The following PLEKHG5 variants were observed in gnomAD, a reference collection of about 807,000 sequenced individuals.
The protein encoded by PLEKHG5 is pleckstrin homology domain-containing family G member 5.
PLEKHG5 carries 52 observed loss-of-function variants against 103.8 expected under a neutral mutation model. The observed-to-expected ratio is 0.50, with a 90% CI of 0.40 to 0.63. PLEKHG5 has a LOEUF of 0.63. PLEKHG5 is among the 30% of genes least tolerant of loss of function. The pLI, the probability that PLEKHG5 is intolerant of heterozygous loss-of-function variation, is 0.00. For missense variants in PLEKHG5, 1,205 were observed against 1,347.6 expected, an observed-to-expected ratio of 0.89 and a Z score of 1.66; for synonymous variants, 592 against 575.5, an observed-to-expected ratio of 1.03 and a Z score of -0.41.
In PLEKHG5 at chr1:6,514,898, A is replaced by C. The variant is rs1424363945; in HGVS notation, c.-165+4547T>G. Among the ~76,000 whole-genome samples, 3 of 150,322 alleles carry C rather than the reference A, an allele frequency of 2.0e-5. No individual in the cohort carries two copies. In the Admixed American group the frequency reaches 2.0e-4, roughly 10 times the overall value. On this transcript the variant is annotated intron_variant, in intron 1 of 21. Coordinates refer to the PLEKHG5 transcript ENST00000377740. The stretch of plus-strand genomic sequence containing the variant: ...GCCTGGCCAACATAGTGAAACCCCA[A>C]CTCTATTAAAAATACAAAAAATTAG...
In PLEKHG5 at chr1:6,468,363, T is replaced by C. The variant is rs779264802; in HGVS notation, c.2473A>G (p.Thr825Ala). The C allele has an allele frequency of 1.0e-5, 16 of 1,607,986 alleles. No homozygotes were observed. The highest frequency in any genetic ancestry group is 2.2e-5 in the East Asian group (1 of 44,660). The change falls in exon 20 of 21, where the codon ACC becomes GCC. Residue 825 changes from threonine (T) to alanine (A), a missense_variant. By Grantham distance (58) the Thr-to-Ala change is moderately conservative. Transcript: ENST00000377728. Reference sequence around the variant, plus strand: ...GGGGCCACAAAGTCTTGTAAGGAGGTTGGGGAGAGGGTGCCGTAGGCAGAG... The same window carrying C: ...GGGGCCACAAAGTCTTGTAAGGAGGCTGGGGAGAGGGTGCCGTAGGCAGAG... ...MDSAYGTLSP[T>A]SLQDFVAPGP...
intron 1 of PLEKHG5, 67 bp from the exon 2 acceptor site, chr1:6,477,725 C>T (rs149885672): frequency 5.1e-4 from 800 of 1,564,886 alleles, no homozygotes; most frequent in Admixed American, 6.9e-4. Context: ...CCCGGCCCAG[C>T]GCTGCAGGGA....
intron 1 of PLEKHG5, among the ~76,000 whole-genome samples, chr1:6,502,550 C>G (rs1046801815): frequency 6.6e-6 from 1 of 152,274 alleles, no homozygotes; most frequent in Non-Finnish European, 1.5e-5. Context: ...TGGGGCCAGC[C>G]GGCCACTTCC....
At chr1:6,511,630 G>A (rs890996111) in intron 1 of PLEKHG5, among the ~76,000 whole-genome samples, 2 of 152,206 alleles carry the variant, frequency 1.3e-5, no homozygotes, top group Non-Finnish European at 1.5e-5. Flanking sequence ...CAGGCGCTGG[G>A]ACTGAGGCAT....
At chr1:6,494,182 G>A (rs562274288), upstream of PLEKHG5, among the ~76,000 whole-genome samples, 1 of 143,248 alleles carries the variant, frequency 7.0e-6, no homozygotes, top group South Asian at 2.2e-4. Flanking sequence ...CCAGGCTGGA[G>A]TGCAATGGCA....
chr1:6,469,297 A>C, intron 18 of PLEKHG5, 38 bp downstream of exon 18: 1 of 1,612,966 alleles, frequency 6.2e-7, no homozygotes, highest in Non-Finnish European at 8.5e-7. Flanking sequence ...GCATCTCCCT[A>C]ATCTGCCTTG....
chr1:6,471,174 G>T lies in PLEKHG5; in HGVS notation c.1282-74C>A. ...CGGGCCGGCCCGCGCCAGGCGCTGC[G>T]CAAGCGCTTCCTTACTGCACTTGGG... On this transcript the variant is annotated intron_variant, in intron 12 of 20. Coordinates refer to ENST00000377728, the MANE Select transcript of PLEKHG5 (RefSeq NM_020631.6). The T allele has an allele frequency of 3.2e-6, 4 of 1,235,178 alleles. No homozygotes were observed. The East Asian group carries it at 7.6e-5, about 24-fold the overall frequency. 76.5% of individuals were successfully genotyped at this position (1,235,178 alleles called of 1,614,324 possible). A position where few individuals can be genotyped will look rare whatever the true frequency, so the allele number is the denominator to read the frequency against.
rs903927305 is a variant in PLEKHG5, at chr1:6,491,339, C to T, written c.-88+298G>A. Reference sequence around the variant, plus strand: ...TTCCCAGGCCAAAACCTCCAGACTGCCCCACACAACCCTTGGGGCTGGGCC... The same window carrying T: ...TTCCCAGGCCAAAACCTCCAGACTGTCCCACACAACCCTTGGGGCTGGGCC... On this transcript the variant is annotated intron_variant, in intron 1 of 20. Transcript: ENST00000377728. This position sits in a 1 kb window ranked among gnomAD's most constrained non-coding sequence, Gnocchi z 4.1. 2.6e-5 allele frequency among the ~76,000 whole-genome samples: 4 copies of T among 152,176 alleles called. No homozygotes were observed. The highest frequency in any genetic ancestry group is 2.6e-4 in the Admixed American group (4 of 15,286).
chr1:6,500,287 A>T (rs1217339363), upstream of PLEKHG5, among the ~76,000 whole-genome samples: 3 of 152,140 alleles, frequency 2.0e-5, no homozygotes, highest in African/African-American at 7.2e-5. Flanking sequence ...GGGGAGCAGG[A>T]AAAAGGGGAG....
At position 6,473,568 on chromosome 1, in the gene PLEKHG5, C is replaced by A. The variant is rs1188257892; in HGVS notation, c.592-114G>T. The A allele has an allele frequency of 1.5e-5, 12 of 798,384 alleles. 2 individuals are homozygous for A. The South Asian group carries it at 2.0e-4, about 13-fold the overall frequency. 49.5% of individuals were successfully genotyped at this position (798,384 alleles called of 1,614,324 possible). On this transcript the variant is annotated intron_variant, in intron 7 of 20. Transcript: ENST00000377728. ...CTGGGATGGAGGAGGGTCTCTGCAT[C>A]TCTACCCTGGGGTGTCCCCTCTCCT...
At chr1:6,507,955 C>A (rs1638369284) in intron 1 of PLEKHG5, among the ~76,000 whole-genome samples, 1 of 152,326 alleles carries the variant, frequency 6.6e-6, no homozygotes, top group Non-Finnish European at 1.5e-5. Context: ...GCCTGGCCAG[C>A]CATCTCTGTC....
upstream of PLEKHG5, among the ~76,000 whole-genome samples, chr1:6,498,796 T>A (rs1645263819): frequency 6.6e-6 from 1 of 152,196 alleles, no homozygotes; most frequent in Non-Finnish European, 1.5e-5. Context: ...CATTTCCCTC[T>A]CCGAGTCTCT....
At chr1:6,477,432 G>A (rs578062669) in intron 2 of PLEKHG5, 97 bp downstream of exon 2, 6 of 1,256,916 alleles carry the variant, frequency 4.8e-6, no homozygotes, top group African/African-American at 4.4e-5. Context: ...ATTTACAGTC[G>A]ACTTGTCCTT....
chr1:6,496,347 A>C (rs959964049), upstream of PLEKHG5: 16 of 583,754 alleles, frequency 2.7e-5, no homozygotes, highest in African/African-American at 2.7e-4. Context: ...AACCAGACAC[A>C]CTGTGGCCCC....
Position 6,467,854 on chromosome 1 carries a change from G to T in PLEKHG5, c.2982C>A (p.Thr994=). 1 of 1,613,246 alleles carries T rather than the reference G, an allele frequency of 6.2e-7. No individual in the cohort carries two copies. Among genetic ancestry groups the T allele is most frequent in the South Asian group, 1.1e-5 (1 of 91,028 alleles). The part of the protein sequence containing the change: ...TLAQLYRIRT[T]LLLNSTLTAS... ...CAGTGAGCGTGGAGTTAAGCAGCAG[G>T]GTGGTCCTGATTCGGTAGAGCTGGG... The change falls in exon 20 of 21, where the codon ACC becomes ACA. Residue 994 remains threonine (T), a synonymous_variant. Transcript: ENST00000377728.
Position 6,472,420 on chromosome 1 carries a change from C to T in PLEKHG5, c.1080+107G>A, listed in dbSNP as rs182454434. 78 of 842,270 alleles carry T rather than the reference C, an allele frequency of 9.3e-5. No individual in the cohort carries two copies. In the East Asian group the frequency reaches 1.7e-3, roughly 18 times the overall value. 52.2% of individuals were successfully genotyped at this position (842,270 alleles called of 1,614,324 possible). ...CCCTTGTCTGACTTTCCTGCCCCCA[C>T]CTCATTGCCAGGCACCTGCTCCTTC... On this transcript the variant is annotated intron_variant, in intron 10 of 20. Transcript: ENST00000377728.
Position 6,473,127 on chromosome 1 carries a change from G to C in PLEKHG5, c.843C>G (p.Ser281Arg). The C allele has an allele frequency of 6.2e-7, 1 of 1,613,964 alleles. No homozygotes were observed. The highest frequency in any genetic ancestry group is 8.5e-7 in the Non-Finnish European group (1 of 1,179,982). The change falls in exon 9 of 21, where the codon AGC becomes AGG. Residue 281 changes from serine (S) to arginine (R), a missense_variant. By Grantham distance (110) the Ser-to-Arg change is moderately radical (BLOSUM62 -1). Coordinates refer to ENST00000377728, the MANE Select transcript of PLEKHG5 (RefSeq NM_020631.6). ...GGGGCAGCCTGGGCAGCCCGAAGAG[G>C]CTGTAGGTGTGCAGCTTGCCCTCCA... ...EQLEGKLHTY[S>R]LFGLPRLPRG...
rs772658275 is a variant in PLEKHG5, at chr1:6,476,056, G to A, written c.44-20C>T. 2 of 1,603,180 alleles carry A rather than the reference G, an allele frequency of 1.2e-6. No homozygotes were observed. Among genetic ancestry groups the A allele is most frequent in the Admixed American group, 1.7e-5 (1 of 59,974 alleles). ...CAGAGCCTTGGGAGAAAGCAGGAGAGGGTTGTGCCTCCCCCGCCCCTCCTT... is the reference window on the plus strand; with the variant it reads ...CAGAGCCTTGGGAGAAAGCAGGAGAAGGTTGTGCCTCCCCCGCCCCTCCTT... On this transcript the variant is annotated intron_variant, in intron 2 of 20. Transcript: ENST00000377728.
chr1:6,511,054 A>G (rs548155605), intron 1 of PLEKHG5, among the ~76,000 whole-genome samples: 8 of 151,788 alleles, frequency 5.3e-5, no homozygotes, highest in African/African-American at 1.9e-4. Context: ...GCGCCACTAC[A>G]CTCCAGCCTC....
Sources: allele counts gnomAD v4.1 joint callset (sites outside exome capture counted in the v4.1 genomes callset), GRCh38; gene constraint gnomAD v4.1.1; non-coding constraint Gnocchi (gnomAD v3.1); transcripts MANE v1.5; gene names NCBI Gene and HGNC (gene_info 2026-07-23, HGNC 2026-07-21).